Variants in PI16 observed in about 807,000 individuals in gnomAD.
PI16 encodes the protein PSP94-binding protein.
PI16 carries 35 observed loss-of-function variants against 38.0 expected under a neutral mutation model. That is an observed-to-expected ratio of 0.92 (90% CI 0.70 to 1.22). The LOEUF is 1.22. PI16 is among the 50% of genes most tolerant of loss of function. The pLI is 0.00. For missense variants in PI16, 572 were observed against 593.8 expected (o/e 0.96, Z 0.38); for synonymous variants, 275 against 252.9 (o/e 1.09, Z -0.83).
upstream of PI16, among the ~76,000 whole-genome samples, chr6:36,951,324 TCTGCAGCCTTGAC>T (rs145479079): frequency 6.7e-3 from 1,011 of 151,930 alleles, 17 homozygotes; most frequent in African/African-American, 0.023. Flanking sequence ...ATCTCGGCTC[TCTGCAGCCTTGAC>T]CTCCCAGGCC....
intron 1 of PI16, among the ~76,000 whole-genome samples, chr6:36,958,756 C>T (rs1042693000): frequency 6.6e-6 from 1 of 152,084 alleles, no homozygotes; most frequent in Non-Finnish European, 1.5e-5. Context: ...ATCGATCACA[C>T]CGTGATCTTG....
chr6:36,952,064 A>T (rs1193022950), upstream of PI16, among the ~76,000 whole-genome samples: 2 of 143,386 alleles, frequency 1.4e-5, no homozygotes, highest in Admixed American at 7.3e-5. Context: ...CTGGATCTTG[A>T]CTCACTGCAA....
chr6:36,959,739 C>T (rs757932061), intron 2 of PI16, among the ~76,000 whole-genome samples: 4 of 151,926 alleles, frequency 2.6e-5, no homozygotes, highest in Non-Finnish European at 2.9e-5. Flanking sequence ...TTGCTGGGCG[C>T]GGTGGCGCGC....
In PI16 at chr6:36,963,520, C is replaced by T; in HGVS notation, c.1178C>T (p.Thr393Ile). 1 of 1,614,192 alleles carries T rather than the reference C, an allele frequency of 6.2e-7. No homozygotes were observed. Among genetic ancestry groups the T allele is most frequent in the Non-Finnish European group, 8.5e-7 (1 of 1,180,044 alleles). ...GCCACACTGGACCACACGGGGCACACCTCCTCCAAGTCCCTGCCCAATTTC... is the reference window on the plus strand; with the variant it reads ...GCCACACTGGACCACACGGGGCACATCTCCTCCAAGTCCCTGCCCAATTTC... ...LQATLDHTGHTSSKSLPNFPN... is the reference protein window; with the variant it reads ...LQATLDHTGHISSKSLPNFPN... Residue 393 changes from threonine (T) to isoleucine (I), a missense_variant, in exon 5 of 7, where the codon ACC becomes ATC. By Grantham distance (89) the Thr-to-Ile change is moderately conservative. Coordinates refer to ENST00000373674, the MANE Select transcript of PI16 (RefSeq NM_153370.3).
upstream of PI16, among the ~76,000 whole-genome samples, chr6:36,952,030 G>A (rs1244276096): frequency 2.9e-5 from 4 of 136,218 alleles, no homozygotes; most frequent in African/African-American, 5.6e-5. Context: ...TTGAGACTCC[G>A]TCACCCAGGC....
At chr6:36,964,128 C>T (rs1427513807) in intron 6 of PI16, among the ~76,000 whole-genome samples, 166 bp downstream of exon 6, 6 of 152,182 alleles carry the variant, frequency 3.9e-5, no homozygotes, top group East Asian at 1.9e-4. Context: ...TCCTGGGAGG[C>T]GTCTACAGGG....
chr6:36,956,992 G>C (rs1583231575), intron 1 of PI16, among the ~76,000 whole-genome samples: 1 of 152,048 alleles, frequency 6.6e-6, no homozygotes, highest in African/African-American at 2.4e-5. Context: ...GCACAATCCT[G>C]GTTCAGGTTT....
In PI16 at chr6:36,963,916, C is replaced by T. The variant is rs1763444181; in HGVS notation, c.1364C>T (p.Pro455Leu). 3.7e-6 allele frequency: 6 copies of T among 1,613,836 alleles called. No individual in the cohort carries two copies. The highest frequency in any genetic ancestry group is 5.1e-6 in the Non-Finnish European group (6 of 1,179,990). The change falls in exon 6 of 7, where the codon CCT becomes CTT. Residue 455 changes from proline to leucine, a missense_variant. Physicochemically the swap from Pro to Leu is moderately conservative, Grantham distance 98 (BLOSUM62 -3). Coordinates refer to ENST00000373674, the MANE Select transcript of PI16 (RefSeq NM_153370.3). ...CCTCTCCTGGGACTACTGCTCCTGC[C>T]TCCTCTGGTGTTGGCTGGAATCTTC... is the stretch of plus-strand genomic sequence containing the variant. Reference protein sequence around the residue: ...WGPLLGLLLLPPLVLAGIF With the variant: ...WGPLLGLLLLLPLVLAGIF
chr6:36,949,717 A>G (rs1488486737), intron 1 of PI16, among the ~76,000 whole-genome samples: 1 of 151,856 alleles, frequency 6.6e-6, no homozygotes, highest in East Asian at 1.9e-4. Context: ...TCAGCTACCC[A>G]TTTATTTGCA....
intron 2 of PI16, among the ~76,000 whole-genome samples, chr6:36,959,867 CAAAA>C (rs3997728): frequency 2.5e-5 from 3 of 118,412 alleles, no homozygotes; most frequent in African/African-American, 3.2e-5. Flanking sequence ...GGCCCTGTCT[CAAAA>C]AAAAAAAAAA....
intron 3 of PI16, 120 bp downstream of exon 3, chr6:36,961,680 C>A: frequency 1.0e-6 from 1 of 979,534 alleles, no homozygotes; most frequent in Non-Finnish European, 1.6e-6. Flanking sequence ...TGGAGCAATA[C>A]TGTCCAGGGA....
At chr6:36,952,015 TTC>T (rs1340327863), upstream of PI16, among the ~76,000 whole-genome samples, 32 of 148,362 alleles carry the variant, frequency 2.2e-4, 2 homozygotes, top group East Asian at 4.5e-4. Context: ...TTTTTTTTTT[TTC>T]TTTTGAGACT....
chr6:36,959,396 A>G (rs1197572796), intron 2 of PI16, 30 bp downstream of exon 2: 2 of 1,528,056 alleles, frequency 1.3e-6, no homozygotes, highest in Non-Finnish European at 1.8e-6. Flanking sequence ...GGCGGGGCGG[A>G]GCCTCGCGGC....
rs1334154407 is a variant in PI16 at position 36,959,300 on chromosome 6, G to C, written c.327G>C (p.Glu109Asp). ...TGGCCATGGAGGAGTGGCACCACGA[G>C]CGTGAGCACTACAACCTCAGCGCCG... ...VPLAMEEWHH[E>D]REHYNLSAAT... Residue 109 changes from glutamate to aspartate, a missense_variant, in exon 2 of 7, where the codon GAG becomes GAC. Physicochemically the swap from Glu to Asp is conservative, Grantham distance 45. Coordinates refer to ENST00000373674, the MANE Select transcript of PI16 (RefSeq NM_153370.3). The C allele has an allele frequency of 1.9e-6, 3 of 1,590,294 alleles. No individual in the cohort carries two copies. Among genetic ancestry groups the C allele is most frequent in the Non-Finnish European group, 2.6e-6 (3 of 1,168,914 alleles).
At position 36,962,072 on chromosome 6, in the gene PI16, G is replaced by T. The variant is rs11758705; in HGVS notation, c.592+98G>T. Reference sequence around the variant, plus strand: ...CCTCCCTGGACTGAGCGGGACGTGGGCAGGGAAGGAGCCTGGTGGGATGCG... The same window carrying T: ...CCTCCCTGGACTGAGCGGGACGTGGTCAGGGAAGGAGCCTGGTGGGATGCG... On this transcript the variant is annotated intron_variant, in intron 4 of 6. Transcript: ENST00000373674. This position sits in a 1 kb window ranked among gnomAD's most constrained non-coding sequence, Gnocchi z 4.1. 9.4e-7 allele frequency: 1 copy of T among 1,061,226 alleles called. No individual in the cohort carries two copies. Among genetic ancestry groups the T allele is most frequent in the Non-Finnish European group, 1.4e-6 (1 of 696,312 alleles). 65.7% of individuals were successfully genotyped at this position (1,061,226 alleles called of 1,614,324 possible).
At chr6:36,964,333 T>C in intron 6 of PI16, 53 bp from the exon 7 acceptor site, 1 of 177,432 alleles carries the variant, frequency 5.6e-6, no homozygotes, top group Non-Finnish European at 1.2e-5. Flanking sequence ...GGCCTCTTCC[T>C]TGAGCCATCT....
In PI16 at chr6:36,963,603, T is replaced by A. The variant is rs769392941; in HGVS notation, c.1261T>A (p.Ser421Thr). The change falls in exon 5 of 7, where the codon TCC (serine) becomes ACC (threonine). Residue 421 changes from serine to threonine, a missense_variant. By Grantham distance (58) the Ser-to-Thr change is moderately conservative. Transcript: ENST00000373674. The stretch of plus-strand genomic sequence containing the variant: ...TGGGCGTGCCCTGGCTCTGCAGTCG[T>A]CCTTGCCAGGTAAGGCCCATAGCAT... ...TGGRALALQSSLPGAEGPDKP... is the reference protein window; with the variant it reads ...TGGRALALQSTLPGAEGPDKP... 6.2e-7 allele frequency: 1 copy of A among 1,613,644 alleles called. No homozygotes were observed. Among genetic ancestry groups the A allele is most frequent in the Non-Finnish European group, 8.5e-7 (1 of 1,179,682 alleles).
At chr6:36,954,630 T>C (rs1763154947), upstream of PI16, 2 of 1,430,606 alleles carry the variant, frequency 1.4e-6, no homozygotes, top group African/African-American at 2.9e-5. Flanking sequence ...CCTGAGACAT[T>C]GTGTGAGTCG....
intron 1 of PI16, among the ~76,000 whole-genome samples, chr6:36,949,382 A>G (rs1054083926): frequency 1.3e-5 from 2 of 152,044 alleles, no homozygotes; most frequent in Admixed American, 1.3e-4. Flanking sequence ...TTGGCCTCCT[A>G]AAGTGCTAGG....
Sources: allele counts gnomAD v4.1 joint callset (sites outside exome capture counted in the v4.1 genomes callset), GRCh38; gene constraint gnomAD v4.1.1; non-coding constraint Gnocchi (gnomAD v3.1); transcripts MANE v1.5; gene names NCBI Gene and HGNC (gene_info 2026-07-23, HGNC 2026-07-21).